The following PLEKHG4B variants were observed in gnomAD, a reference collection of about 807,000 sequenced individuals.
PLEKHG4B encodes pleckstrin homology and RhoGEF domain containing G4B.
PLEKHG4B carries 111 observed loss-of-function variants against 121.3 expected under a neutral mutation model. That is an observed-to-expected ratio of 0.92 (90% CI 0.78 to 1.07). The LOEUF (loss-of-function observed/expected upper bound fraction) is 1.07. Ranked by LOEUF, PLEKHG4B falls within the 50% of genes least tolerant of loss-of-function variation. The pLI, the probability that PLEKHG4B is intolerant of heterozygous loss-of-function variation, is 0.00. For synonymous variants in PLEKHG4B, 738 were observed against 725.0 expected (o/e 1.02, Z -0.29); for missense variants, 1,831 against 1,757.8 (o/e 1.04, Z -0.74).
Position 157,172 on chromosome 5 carries a change from T to C in PLEKHG4B, c.2487+261T>C. 1 of 497,224 alleles carries C rather than the reference T, an allele frequency of 2.0e-6. No individual in the cohort carries two copies. Among genetic ancestry groups the C allele is most frequent in the Non-Finnish European group, 3.7e-6 (1 of 273,156 alleles). 30.8% of individuals were successfully genotyped at this position (497,224 alleles called of 1,614,324 possible). A position where few individuals can be genotyped will look rare whatever the true frequency, so the allele number is the denominator to read the frequency against. On this transcript the variant is annotated intron_variant, in intron 11 of 19. Transcript: ENST00000637938. This position sits in a 1 kb window ranked among gnomAD's most constrained non-coding sequence, Gnocchi z 4.6. ...GCCAGGGAGAAAAATAATTTCACAC[T>C]GTGCCTTCTGATGCTACCAGTGTGA...
chr5:97,467 C>T (rs867195953), intron 1 of PLEKHG4B, among the ~76,000 whole-genome samples: 2 of 152,222 alleles, frequency 1.3e-5, no homozygotes, highest in Non-Finnish European at 2.9e-5. Context: ...TTCCGTCCTC[C>T]CCAGCCCCAG....
At chr5:131,224 T>A (rs1181761419) in intron 2 of PLEKHG4B, among the ~76,000 whole-genome samples, 2 of 152,162 alleles carry the variant, frequency 1.3e-5, no homozygotes, top group Non-Finnish European at 2.9e-5. Flanking sequence ...ACTCGTCATT[T>A]ACATTAAGTA....
intron 18 of PLEKHG4B, 41 bp downstream of exon 18, chr5:174,139 C>T: frequency 1.4e-6 from 2 of 1,385,150 alleles, no homozygotes; most frequent in Non-Finnish European, 1.9e-6. Context: ...GGCTCAGGGG[C>T]ACAGCTAGGG....
In PLEKHG4B at chr5:163,445, C is replaced by T; in HGVS notation, c.3373C>T (p.Leu1125=). 1 of 1,613,010 alleles carries T rather than the reference C, an allele frequency of 6.2e-7. No homozygotes were observed. The highest frequency in any genetic ancestry group is 8.5e-7 in the Non-Finnish European group (1 of 1,180,042). The stretch of plus-strand genomic sequence containing the variant: ...TGTAGCCACAGAGAAGAAGCTCCCG[C>T]TGTGGCAGCATGCCAGGAGCCCCCC... ...STVATEKKLP[L]WQHARSPPVT... Residue 1125 remains leucine, a synonymous_variant, in exon 13 of 20, where the codon CTG becomes TTG. Transcript: ENST00000637938.
At position 104,544 on chromosome 5, in the gene PLEKHG4B, A is replaced by G. The variant is rs533352065; in HGVS notation, c.46-8707A>G. 4.6e-5 allele frequency among the ~76,000 whole-genome samples: 7 copies of G among 152,374 alleles called. No individual in the cohort carries two copies. In the South Asian group the frequency reaches 1.2e-3, roughly 27 times the overall value. On this transcript the variant is annotated intron_variant, in intron 1 of 19. Transcript: ENST00000637938. The stretch of plus-strand genomic sequence containing the variant: ...CAGTAACCCAATTTAAAGTGGTATT[A>G]AAATAATTTTCTTCATCGCAATAGA...
At chr5:134,066 T>C (rs1387616362) in intron 2 of PLEKHG4B, among the ~76,000 whole-genome samples, 4 of 118,534 alleles carry the variant, frequency 3.4e-5, no homozygotes, top group African/African-American at 1.3e-4. Context: ...AGAATATATA[T>C]ATATGATAGA....
At chr5:162,121 G>A (rs1019338898) in intron 12 of PLEKHG4B, among the ~76,000 whole-genome samples, 177 bp downstream of exon 12, 3 of 152,212 alleles carry the variant, frequency 2.0e-5, no homozygotes, top group East Asian at 1.9e-4. Flanking sequence ...GCTCTGAGCC[G>A]ACCTGTGAAG....
rs746269598 is a variant in PLEKHG4B, at chr5:140,028, C to T, written c.789C>T (p.Leu263=). The T allele has an allele frequency of 9.4e-6, 4 of 427,066 alleles. No individual in the cohort carries two copies. The highest frequency in any genetic ancestry group is 2.1e-5 in the African/African-American group (1 of 48,768). 26.5% of individuals were successfully genotyped at this position (427,066 alleles called of 1,614,324 possible). A position where few individuals can be genotyped will look rare whatever the true frequency, so the allele number is the denominator to read the frequency against. Residue 263 remains leucine, a synonymous_variant, in exon 3 of 20, where the codon CTC becomes CTT. Transcript: ENST00000637938. ...GAGGGCATACGGGCAGCGACCAGCT[C>T]AGGCACCTTCCTTATCCAGAAAGAG... ...CRRGHTGSDQ[L]RHLPYPERAE...
rs6883247 is a variant in PLEKHG4B, at chr5:188,803, A to G, written c.*6480A>G. 0.15 allele frequency: 22,240 copies of G among 152,242 alleles called. 2,299 individuals are homozygous for G. The highest frequency in any genetic ancestry group is 0.29 in the African/African-American group (11,891 of 41,508). 9.4% of individuals were successfully genotyped at this position (152,242 alleles called of 1,614,324 possible). On this transcript the variant is annotated 3_prime_UTR_variant, in exon 20 of 20. Transcript: ENST00000637938. ...GCAGAGGAGCCTCCCGAGCTTTGGA[A>G]CCAGAGGCAGGCTCAGCGATGCTCT...
In PLEKHG4B at chr5:188,522, CAT is replaced by C. The variant is rs1310037538; in HGVS notation, c.*6201_*6202del. On this transcript the variant is annotated 3_prime_UTR_variant, in exon 20 of 20. Transcript: ENST00000637938. ...GAATGTGGGTTCTGTGTGCCTGTGACATAGAGAATGTTTTCCACACCGCGTGT... is the reference window on the plus strand; with the variant it reads ...GAATGTGGGTTCTGTGTGCCTGTGACAGAGAATGTTTTCCACACCGCGTGT... 2 of 152,266 alleles carry C rather than the reference CAT, an allele frequency of 1.3e-5. No individual in the cohort carries two copies. Among genetic ancestry groups the C allele is most frequent in the Non-Finnish European group, 2.9e-5 (2 of 68,058 alleles). The allele number at this position is 152,266 out of a possible 1,614,324, so 9.4% of individuals were successfully genotyped here. A position where few individuals can be genotyped will look rare whatever the true frequency, so the allele number is the denominator to read the frequency against.
chr5:133,913 G>GACACACACACACACACAC (rs745898348), intron 2 of PLEKHG4B, among the ~76,000 whole-genome samples: 3 of 135,576 alleles, frequency 2.2e-5, no homozygotes, highest in African/African-American at 8.9e-5. Flanking sequence ...AAGAAAATGT[G>GACACACACACACACACAC]ACACACACGC....
intron 11 of PLEKHG4B, among the ~76,000 whole-genome samples, chr5:161,272 T>G (rs1347970218): frequency 6.6e-6 from 1 of 152,242 alleles, no homozygotes; most frequent in Non-Finnish European, 1.5e-5. Flanking sequence ...AAGCAGCCAC[T>G]GGCCTGAAGA....
chr5:140,447 GC>G lies in PLEKHG4B; in HGVS notation c.1213del (p.Arg405GlyfsTer10), dbSNP rs746652102. 1 of 1,577,474 alleles carries G rather than the reference GC, an allele frequency of 6.3e-7. No individual in the cohort carries two copies. Among genetic ancestry groups the G allele is most frequent in the South Asian group, 1.2e-5 (1 of 86,402 alleles). On this transcript the variant is annotated frameshift_variant, in exon 3 of 20. Coordinates refer to ENST00000637938, the MANE Select transcript of PLEKHG4B (RefSeq NM_052909.5). LOFTEE classifies it high-confidence loss of function. Reference sequence around the variant, plus strand: ...AGTGGGACCCAGGAGGAAACCTCTGGCCCCCGGGGAGACCCCCAACAGACCC... The same window carrying G: ...AGTGGGACCCAGGAGGAAACCTCTGGCCCCGGGGAGACCCCCAACAGACCC... The part of the protein sequence containing the change: ...VASGTQEETS[G>X]PRGDPQQTPS...
At chr5:147,373 C>T (rs1735453758) in intron 6 of PLEKHG4B, among the ~76,000 whole-genome samples, 1 of 152,216 alleles carries the variant, frequency 6.6e-6, no homozygotes, top group South Asian at 2.1e-4. Flanking sequence ...GGTTGGGCAC[C>T]TGGGCAGTGG....
In PLEKHG4B at chr5:156,332, T is replaced by C; in HGVS notation, c.2348+122T>C. ...GCCCCCTCTGTGCTTGGTCCAGACC[T>C]CCATTCTGACAGCCACGCTTTGCCT... On this transcript the variant is annotated intron_variant, in intron 10 of 19. Transcript: ENST00000637938. This position sits in a 1 kb window ranked among gnomAD's most constrained non-coding sequence, Gnocchi z 4.4. 1 of 1,104,380 alleles carries C rather than the reference T, an allele frequency of 9.1e-7. No homozygotes were observed. The highest frequency in any genetic ancestry group is 1.2e-6 in the Non-Finnish European group (1 of 848,024). 68.4% of individuals were successfully genotyped at this position (1,104,380 alleles called of 1,614,324 possible).
intron 18 of PLEKHG4B, among the ~76,000 whole-genome samples, chr5:179,276 T>C (rs149719779): frequency 6.6e-5 from 10 of 152,348 alleles, no homozygotes; most frequent in Admixed American, 2.6e-4. Flanking sequence ...TTACATTTAA[T>C]GTAATTTGGG....
At chr5:104,203 A>G (rs1406313455) in intron 1 of PLEKHG4B, among the ~76,000 whole-genome samples, 1 of 139,428 alleles carries the variant, frequency 7.2e-6, no homozygotes, top group Non-Finnish European at 1.5e-5. Context: ...AACCTCAGCC[A>G]GTCCCAGCAC....
At chr5:173,816 G>A in intron 17 of PLEKHG4B, 102 bp from the exon 18 acceptor site, 2 of 1,332,516 alleles carry the variant, frequency 1.5e-6, no homozygotes, top group Non-Finnish European at 2.0e-6. Flanking sequence ...TTTGTCATTT[G>A]GTGTCTGGGT....
chr5:131,437 A>G (rs1415769589), intron 2 of PLEKHG4B, among the ~76,000 whole-genome samples: 1 of 152,158 alleles, frequency 6.6e-6, no homozygotes, highest in Non-Finnish European at 1.5e-5. Flanking sequence ...AAAGGACATG[A>G]ACTCATGCTT....
Sources: gnomAD v4.1 joint callset for allele counts (sites outside exome capture counted in the v4.1 genomes callset) on GRCh38, gnomAD v4.1.1 for gene constraint, Gnocchi (gnomAD v3.1) non-coding constraint, MANE v1.5 for transcripts, NCBI Gene and HGNC (gene_info 2026-07-23, HGNC 2026-07-21) for gene names.